Variants in CCDC196 observed in about 807,000 individuals in gnomAD.
CCDC196 encodes the protein coiled-coil domain containing 196.
chr14:66,491,844 T>C (rs2057544836), intron 7 of CCDC196, among the ~76,000 whole-genome samples, 159 bp downstream of exon 7: 1 of 152,202 alleles, frequency 6.6e-6, no homozygotes, highest in Non-Finnish European at 1.5e-5. Context: ...GGGACCTATC[T>C]CTGAACTTGG....
At chr14:66,494,198 A>G (rs2057608941) in intron 8 of CCDC196, among the ~76,000 whole-genome samples, 1 of 152,236 alleles carries the variant, frequency 6.6e-6, no homozygotes, top group Non-Finnish European at 1.5e-5. Context: ...GCAATGGATC[A>G]ATGTGTTAAA....
chr14:66,497,053 C>A (rs1166323947), intron 8 of CCDC196, among the ~76,000 whole-genome samples: 6 of 152,118 alleles, frequency 3.9e-5, no homozygotes, highest in African/African-American at 1.2e-4. Flanking sequence ...TCAGCAGGTG[C>A]TGCTGAAGGG....
chr14:66,495,131 T>C (rs2057632432), intron 8 of CCDC196, among the ~76,000 whole-genome samples: 1 of 152,190 alleles, frequency 6.6e-6, no homozygotes, highest in Admixed American at 6.5e-5. Flanking sequence ...GGCAATAATT[T>C]TCTCACTGTG....
At chr14:66,487,346 TC>T (rs1336149788) in intron 2 of CCDC196, among the ~76,000 whole-genome samples, 3 of 152,138 alleles carry the variant, frequency 2.0e-5, no homozygotes, top group Non-Finnish European at 4.4e-5. Context: ...AGTGAGTCTA[TC>T]TTTATTCTAT....
chr14:66,488,352 T>C (rs1324580149), intron 3 of CCDC196, 96 bp downstream of exon 3: 3 of 401,608 alleles, frequency 7.5e-6, no homozygotes, highest in African/African-American at 2.1e-5. Context: ...TACTCATCTC[T>C]AGCATCTGAT....
intron 7 of CCDC196, 44 bp downstream of exon 7, chr14:66,491,729 C>T (rs151184618): frequency 2.2e-5 from 9 of 413,398 alleles, no homozygotes; most frequent in Non-Finnish European, 4.0e-5. Flanking sequence ...CAATTTCATT[C>T]ATATAATACA....
chr14:66,497,705 T>C (rs948381931), intron 8 of CCDC196, among the ~76,000 whole-genome samples: 7 of 152,146 alleles, frequency 4.6e-5, no homozygotes, highest in African/African-American at 1.7e-4. Context: ...CTTCTCACCC[T>C]ACGCCTACCA....
chr14:66,489,986 T>C (rs1179784469), intron 4 of CCDC196, among the ~76,000 whole-genome samples: 1 of 152,176 alleles, frequency 6.6e-6, no homozygotes, highest in Non-Finnish European at 1.5e-5. Flanking sequence ...TAAACAGATA[T>C]ATAGTGTGAT....
chr14:66,492,113 G>T lies in CCDC196; in HGVS notation c.634G>T (p.Ala212Ser), dbSNP rs1338110501. ...RIEALKNYQK[A>S]NDLKLSLYLQ... The stretch of plus-strand genomic sequence containing the variant: ...TGAAGCCTTGAAGAACTACCAGAAG[G>T]CCAATGACCTGAAATTATCACTGTA... The change falls in exon 8 of 10, where the codon GCC becomes TCC. Residue 212 changes from alanine to serine, a missense_variant. By Grantham distance (99) the Ala-to-Ser change is moderately conservative. Coordinates refer to ENST00000636229, the MANE Select transcript of CCDC196 (RefSeq NM_001351576.1). 1.9e-5 allele frequency: 8 copies of T among 413,598 alleles called. No individual in the cohort carries two copies. Among genetic ancestry groups the T allele is most frequent in the East Asian group, 3.6e-5 (1 of 28,058 alleles). The allele number at this position is 413,598 out of a possible 1,614,324, so 25.6% of individuals were successfully genotyped here.
intron 2 of CCDC196, among the ~76,000 whole-genome samples, chr14:66,487,302 C>CT (rs2057428147): frequency 6.6e-6 from 1 of 152,144 alleles, no homozygotes; most frequent in Admixed American, 6.5e-5. Context: ...CCCACAAACT[C>CT]TGTTTCCTTT....
At chr14:66,496,487 A>G (rs1172319236) in intron 8 of CCDC196, 1 of 407,618 alleles carries the variant, frequency 2.5e-6, no homozygotes, top group African/African-American at 2.0e-5. Context: ...TAGTCTGTTT[A>G]TACCTACGAT....
chr14:66,488,527 A>G (rs2057461941), intron 3 of CCDC196, among the ~76,000 whole-genome samples: 1 of 152,196 alleles, frequency 6.6e-6, no homozygotes, highest in South Asian at 2.1e-4. Context: ...AACTCTTCAC[A>G]TTTCAGAAAG....
At chr14:66,492,398 C>T (rs960474170) in intron 8 of CCDC196, among the ~76,000 whole-genome samples, 31 of 148,578 alleles carry the variant, frequency 2.1e-4, no homozygotes, top group African/African-American at 6.5e-4. Flanking sequence ...TGCAGTGGTG[C>T]GATCTCAGCT....
intron 2 of CCDC196, among the ~76,000 whole-genome samples, chr14:66,487,659 C>T (rs1461054260): frequency 1.3e-5 from 2 of 152,180 alleles, no homozygotes; most frequent in African/African-American, 4.8e-5. Flanking sequence ...TAATGGCTTG[C>T]ATTCTCTGGG....
chr14:66,498,215 GAATA>G, intron 9 of CCDC196, 48 bp downstream of exon 9: 1 of 412,828 alleles, frequency 2.4e-6, no homozygotes, highest in East Asian at 3.6e-5. Context: ...TTAAGGGCTT[GAATA>G]GATAGTGGGT....
intron 8 of CCDC196, among the ~76,000 whole-genome samples, chr14:66,497,344 A>G (rs548683546): frequency 6.6e-6 from 1 of 152,292 alleles, no homozygotes; most frequent in South Asian, 2.1e-4. Flanking sequence ...TTGAAGCTTG[A>G]CAAAATAAAC....
intron 8 of CCDC196, among the ~76,000 whole-genome samples, chr14:66,496,039 G>A (rs6573679): frequency 6.6e-6 from 1 of 152,022 alleles, no homozygotes; most frequent in East Asian, 1.9e-4. Context: ...GGCACTAAAA[G>A]AAAAAATGAG....
chr14:66,491,930 C>T, intron 7 of CCDC196, 123 bp from the exon 8 acceptor site: 1 of 406,324 alleles, frequency 2.5e-6, no homozygotes, highest in Non-Finnish European at 4.4e-6. Context: ...ACTTTCTACC[C>T]AACTTTTAAA....
At position 66,492,119 on chromosome 14, in the gene CCDC196, G is replaced by A. The variant is rs549828639; in HGVS notation, c.640G>A (p.Asp214Asn). The change falls in exon 8 of 10, where the codon GAC becomes AAC. Residue 214 changes from aspartate to asparagine, a missense_variant. By Grantham distance (23) the Asp-to-Asn change is conservative. Transcript: ENST00000636229. ...EALKNYQKAN[D>N]LKLSLYLQQN... is the part of the protein sequence containing the mutation. ...CTTGAAGAACTACCAGAAGGCCAATGACCTGAAATTATCACTGTATTTGCA... is the reference window on the plus strand; with the variant it reads ...CTTGAAGAACTACCAGAAGGCCAATAACCTGAAATTATCACTGTATTTGCA... 7.3e-6 allele frequency: 3 copies of A among 413,674 alleles called. No individual in the cohort carries two copies. The highest frequency in any genetic ancestry group is 2.5e-4 in the South Asian group (2 of 7,850). The allele number at this position is 413,674 out of a possible 1,614,324, so 25.6% of individuals were successfully genotyped here.
Sources: allele counts gnomAD v4.1 joint callset (sites outside exome capture counted in the v4.1 genomes callset), GRCh38; gene constraint gnomAD v4.1.1; transcripts MANE v1.5; gene names NCBI Gene and HGNC (gene_info 2026-07-23, HGNC 2026-07-21).